Variants in RBFOX1 observed in about 807,000 individuals in gnomAD.
RBFOX1 encodes RNA binding protein fox-1 homolog 1.
In RBFOX1, 8 loss-of-function variants were observed where a neutral mutation model predicts 57.7. The ratio of observed to expected loss-of-function variants is 0.14; its 90% confidence interval spans 0.08 to 0.25. RBFOX1 has a LOEUF of 0.25. Ranked by LOEUF, RBFOX1 falls within the 10% of genes least tolerant of loss-of-function variation. The pLI is 1.00. For synonymous variants in RBFOX1, 326 were observed against 222.4 expected (o/e 1.47, Z -4.15); for missense variants, 611 against 548.5 (o/e 1.11, Z -1.14).
At chr16:5,854,661 A>G (rs1158548535) in intron 3 of RBFOX1, among the ~76,000 whole-genome samples, 1 of 152,116 alleles carries the variant, frequency 6.6e-6, no homozygotes, top group East Asian at 1.9e-4. Context: ...GGTTGTTTCC[A>G]TACTTTGCTG....
In RBFOX1 at chr16:5,295,891, T is replaced by A. The variant is rs575876168; in HGVS notation, c.219+55786T>A. 6.9e-4 allele frequency among the ~76,000 whole-genome samples: 105 copies of A among 152,350 alleles called. 1 individual carries two copies. Among genetic ancestry groups the A allele is most frequent in the Admixed American group, 1.8e-3 (27 of 15,306 alleles). On this transcript the variant is annotated intron_variant, in intron 1 of 2. Transcript: ENST00000585867. ...TACATAGAATGGGGATAATTATGCT[T>A]CTTACCTCTAGGACTGTAGTGCATA...
At chr16:7,576,425 T>G (rs549289072) in intron 5 of RBFOX1, among the ~76,000 whole-genome samples, 2 of 152,322 alleles carry the variant, frequency 1.3e-5, no homozygotes, top group South Asian at 4.1e-4. Flanking sequence ...CCTCAACCTC[T>G]ACTTCCTAAC....
At chr16:5,435,859 T>A (rs1180829894) in intron 1 of RBFOX1, among the ~76,000 whole-genome samples, 1 of 152,254 alleles carries the variant, frequency 6.6e-6, no homozygotes, top group Non-Finnish European at 1.5e-5. Flanking sequence ...AGTCCTCCAT[T>A]TGTGGTTGTT....
intron 3 of RBFOX1, among the ~76,000 whole-genome samples, chr16:6,975,861 G>A (rs1170504298): frequency 6.6e-6 from 1 of 152,160 alleles, no homozygotes; most frequent in South Asian, 2.1e-4. Context: ...GTATGGTGGT[G>A]CACACCTGTA....
At chr16:6,954,413 A>T (rs970323911) in intron 3 of RBFOX1, among the ~76,000 whole-genome samples, 4 of 152,130 alleles carry the variant, frequency 2.6e-5, no homozygotes, top group Admixed American at 2.6e-4. Context: ...TTTGCATTTA[A>T]TGATTGGCAT....
intron 4 of RBFOX1, among the ~76,000 whole-genome samples, chr16:5,915,604 G>C (rs1200061845): frequency 3.3e-5 from 5 of 152,110 alleles, no homozygotes; most frequent in Non-Finnish European, 7.4e-5. Context: ...GGTCAAGGTG[G>C]GCAGATCACC....
chr16:7,297,196 A>T (rs1182578344), intron 4 of RBFOX1, among the ~76,000 whole-genome samples: 2 of 152,208 alleles, frequency 1.3e-5, no homozygotes, highest in Non-Finnish European at 2.9e-5. Flanking sequence ...TTGTAGGAAC[A>T]AAAAAGGACA....
chr16:6,817,849 T>A (rs1430224545), intron 3 of RBFOX1, among the ~76,000 whole-genome samples: 1 of 152,174 alleles, frequency 6.6e-6, no homozygotes, highest in Non-Finnish European at 1.5e-5. Flanking sequence ...TGAATGTGAC[T>A]CATATCAGAC....
intron 14 of RBFOX1, among the ~76,000 whole-genome samples, chr16:7,701,607 G>C (rs562844840): frequency 6.6e-6 from 1 of 152,294 alleles, no homozygotes; most frequent in African/African-American, 2.4e-5. Context: ...TTCTCCTCTA[G>C]GTGTTTAGGG....
At position 7,471,929 on chromosome 16, in the gene RBFOX1, C is replaced by T. The variant is rs370451973; in HGVS notation, c.28-46218C>T. Among the ~76,000 whole-genome samples, 26 of 152,184 alleles carry T rather than the reference C, an allele frequency of 1.7e-4. No homozygotes were observed. In the East Asian group the frequency reaches 5.0e-3, roughly 29 times the overall value. On this transcript the variant is annotated intron_variant, in intron 4 of 15. Coordinates refer to ENST00000550418, the MANE Select transcript of RBFOX1 (RefSeq NM_018723.4). The stretch of plus-strand genomic sequence containing the variant: ...GCTTCCATGGGTCAAATGTCAGCAC[C>T]GTTCAACACGGGCTGAAGAAGCTGA...
intron 2 of RBFOX1, among the ~76,000 whole-genome samples, chr16:5,548,174 A>AAAT (rs1555462290): frequency 2.7e-4 from 9 of 33,580 alleles, no homozygotes; most frequent in African/African-American, 4.8e-4. Context: ...AAAAAAAAAA[A>AAAT]ATATATATAT....
At chr16:5,932,748 T>C (rs2059089641) in intron 4 of RBFOX1, among the ~76,000 whole-genome samples, 1 of 152,106 alleles carries the variant, frequency 6.6e-6, no homozygotes, top group Admixed American at 6.5e-5. Context: ...TCTCTCCCAA[T>C]TCTCTATAAA....
At position 7,707,291 on chromosome 16, in the gene RBFOX1, C is replaced by T. The variant is rs116849886; in HGVS notation, c.996-1765C>T. Among the ~76,000 whole-genome samples the T allele has an allele frequency of 9.8e-3, 1,493 of 152,210 alleles. 18 individuals are homozygous for T. Among genetic ancestry groups the T allele is most frequent in the Middle Eastern group, 0.027 (8 of 292 alleles). ...TGGAGTCTGAGAAGGTCCATCATCA[C>T]GCTTTCTTCACCTTCTCAGACTCCA... On this transcript the variant is annotated intron_variant, in intron 14 of 15. Coordinates refer to ENST00000550418, the MANE Select transcript of RBFOX1 (RefSeq NM_018723.4).
At chr16:5,780,297 C>T (rs1214049206) in intron 3 of RBFOX1, among the ~76,000 whole-genome samples, 1 of 152,198 alleles carries the variant, frequency 6.6e-6, no homozygotes, top group Non-Finnish European at 1.5e-5. Context: ...CCATTGCACC[C>T]AGCCTTATTA....
chr16:5,376,709 C>T (rs1235233084), intron 1 of RBFOX1, among the ~76,000 whole-genome samples: 1 of 147,216 alleles, frequency 6.8e-6, no homozygotes, highest in Non-Finnish European at 1.5e-5. Context: ...AACTCATCGT[C>T]TTGGTCTATT....
At chr16:5,471,210 C>T (rs1417600858) in intron 2 of RBFOX1, among the ~76,000 whole-genome samples, 1 of 152,158 alleles carries the variant, frequency 6.6e-6, no homozygotes, top group African/African-American at 2.4e-5. Context: ...TCTTTAGATG[C>T]TAAAAAGTTC....
At position 7,355,391 on chromosome 16, in the gene RBFOX1, G is replaced by A. The variant is rs568264088; in HGVS notation, c.28-162756G>A. 5.3e-5 allele frequency among the ~76,000 whole-genome samples: 8 copies of A among 152,262 alleles called. No individual in the cohort carries two copies. The South Asian group carries it at 1.7e-3, about 32-fold the overall frequency. On this transcript the variant is annotated intron_variant, in intron 4 of 15. Coordinates refer to ENST00000550418, the MANE Select transcript of RBFOX1 (RefSeq NM_018723.4). Reference sequence around the variant, plus strand: ...AAAGCAGAGTAAAGTTTGTGGCTCTGCCTACTGCCCCCTTTCTCCTGTCCT... The same window carrying A: ...AAAGCAGAGTAAAGTTTGTGGCTCTACCTACTGCCCCCTTTCTCCTGTCCT...
chr16:6,522,972 C>T (rs1302202449), intron 2 of RBFOX1, among the ~76,000 whole-genome samples: 1 of 152,118 alleles, frequency 6.6e-6, no homozygotes, highest in African/African-American at 2.4e-5. Flanking sequence ...TTTAAAGAAC[C>T]AGCTCCTTCT....
At chr16:7,546,124 C>T (rs1202644361) in intron 5 of RBFOX1, among the ~76,000 whole-genome samples, 3 of 151,322 alleles carry the variant, frequency 2.0e-5, no homozygotes, top group Non-Finnish European at 4.4e-5. Context: ...GTCAGGAGTT[C>T]GAGACCAGCC....
Sources: gnomAD v4.1 joint callset for allele counts (sites outside exome capture counted in the v4.1 genomes callset) on GRCh38, gnomAD v4.1.1 for gene constraint, MANE v1.5 for transcripts, NCBI Gene and HGNC (gene_info 2026-07-23, HGNC 2026-07-21) for gene names.